Variants in RIF1 observed in about 807,000 individuals in gnomAD.
RIF1 encodes the protein replication timing regulatory factor 1.
Under a neutral mutation model 247.1 loss-of-function variants are expected in RIF1, and 45 were observed. That is an observed-to-expected ratio of 0.18 (90% CI 0.14 to 0.23). The LOEUF (loss-of-function observed/expected upper bound fraction) is 0.23. Among genes scored for constraint, RIF1 ranks in the 10% least tolerant of loss-of-function variants. The pLI, the probability that RIF1 is intolerant of heterozygous loss-of-function variation, is 1.00. For synonymous variants in RIF1, 1,087 were observed against 978.8 expected (o/e 1.11, Z -2.06); for missense variants, 2,967 against 2,862.5 (o/e 1.04, Z -0.83).
intron 16 of RIF1, among the ~76,000 whole-genome samples, 189 bp from the exon 17 acceptor site, chr2:151,443,070 C>G (rs996245367): frequency 6.6e-6 from 1 of 151,932 alleles, no homozygotes; most frequent in African/African-American, 2.4e-5. Flanking sequence ...GCCACTGCGC[C>G]CGGCCAAGAG....
chr2:151,501,277 A>G lies in RIF1; in HGVS notation c.*709+1737A>G, dbSNP rs2064286251. 7.3e-6 allele frequency: 5 copies of G among 689,634 alleles called. 1 individual carries two copies. In the South Asian group the frequency reaches 1.1e-4, roughly 15 times the overall value. 42.7% of individuals were successfully genotyped at this position (689,634 alleles called of 1,614,324 possible). On this transcript the variant is annotated intron_variant and NMD_transcript_variant, in intron 11 of 13. Coordinates refer to the RIF1 transcript ENST00000454583. ...AAAACAGAAGGATTCAGTTGATGTGATTAAAAAAAGATTTTGTTAAATTGA... is the reference window on the plus strand; with the variant it reads ...AAAACAGAAGGATTCAGTTGATGTGGTTAAAAAAAGATTTTGTTAAATTGA...
At chr2:151,458,318 T>C (rs1260126074) in intron 24 of RIF1, among the ~76,000 whole-genome samples, 2 of 148,408 alleles carry the variant, frequency 1.3e-5, no homozygotes, top group Admixed American at 1.4e-4. Flanking sequence ...CTGCAAGCTC[T>C]GCCTCCCGGG....
At chr2:151,526,771 C>T in the RIF1 span, 1 of 641,158 alleles carries the variant, frequency 1.6e-6, no homozygotes, top group South Asian at 2.0e-5. Flanking sequence ...GCTGGCGCCC[C>T]TCACAGGACA....
At chr2:151,530,916 T>C in the RIF1 span, 22 of 900,908 alleles carry the variant, frequency 2.4e-5, no homozygotes, top group East Asian at 5.6e-4. Flanking sequence ...CAGGAATAGA[T>C]AACTGGACCA....
intron 11 of RIF1, among the ~76,000 whole-genome samples, chr2:151,502,496 T>G (rs1240796287): frequency 2.0e-5 from 3 of 152,126 alleles, no homozygotes; most frequent in South Asian, 2.1e-4. Flanking sequence ...GTGTTAGATT[T>G]TACTTTTGAC....
At chr2:151,493,430 T>G (rs764813791) in intron 9 of RIF1, 1 of 1,604,686 alleles carries the variant, frequency 6.2e-7, no homozygotes, top group South Asian at 1.1e-5. Context: ...TTTCTCATGT[T>G]CTCTTTGTAC....
chr2:151,485,773 A>G (rs558019875), downstream of RIF1: 26 of 1,611,020 alleles, frequency 1.6e-5, 1 homozygote, highest in East Asian at 8.9e-5. Flanking sequence ...AATAGCTTCA[A>G]CGTAGTTGGC....
rs1016851476 is a variant in RIF1 at position 151,468,378 on chromosome 2, C to T, written c.6748-96C>T. The T allele has an allele frequency of 1.7e-5, 18 of 1,084,202 alleles. No individual in the cohort carries two copies. In the African/African-American group the frequency reaches 1.9e-4, roughly 11 times the overall value. 67.2% of individuals were successfully genotyped at this position (1,084,202 alleles called of 1,614,324 possible). A position where few individuals can be genotyped will look rare whatever the true frequency, so the allele number is the denominator to read the frequency against. On this transcript the variant is annotated intron_variant, in intron 31 of 35. Coordinates refer to ENST00000444746, the MANE Select transcript of RIF1 (RefSeq NM_018151.5). ...GATTACTCTTTTTATGTTTTTTGAA[C>T]TTTTAAAGAAATGATTGCAGTCTAA...
At chr2:151,443,508 T>A in intron 17 of RIF1, 21 bp from the exon 18 acceptor site, 9 of 1,538,014 alleles carry the variant, frequency 5.9e-6, no homozygotes, top group Non-Finnish European at 7.8e-6. Flanking sequence ...GTTGATGCAT[T>A]TTTTATAATT....
intron 6 of RIF1, 59 bp downstream of exon 6, chr2:151,416,960 G>C: frequency 7.4e-7 from 1 of 1,357,572 alleles, no homozygotes; most frequent in South Asian, 1.2e-5. Flanking sequence ...AGCTGAAGGA[G>C]AGGGTTTTTG....
At chr2:151,485,010 A>G (rs1005788554), downstream of RIF1, among the ~76,000 whole-genome samples, 3 of 152,200 alleles carry the variant, frequency 2.0e-5, no homozygotes, top group African/African-American at 7.2e-5. Context: ...ACCTTCTAGG[A>G]AGAACAGTCT....
chr2:151,469,220 C>T (rs1160199631), intron 33 of RIF1, among the ~76,000 whole-genome samples: 2 of 152,120 alleles, frequency 1.3e-5, no homozygotes, highest in Non-Finnish European at 2.9e-5. Context: ...TAAATGCGTG[C>T]ATGTAGATCG....
At chr2:151,435,404 CT>C in intron 10 of RIF1, 58 bp from the exon 11 acceptor site, 1 of 926,618 alleles carries the variant, frequency 1.1e-6, no homozygotes, top group Non-Finnish European at 1.7e-6. Context: ...TTATGTGAGG[CT>C]TTTAAAAACT....
At position 151,410,475 on chromosome 2, in the gene RIF1, G is replaced by C; in HGVS notation, c.52G>C (p.Asp18His). 1 of 1,614,138 alleles carries C rather than the reference G, an allele frequency of 6.2e-7. No homozygotes were observed. Among genetic ancestry groups the C allele is most frequent in the Non-Finnish European group, 8.5e-7 (1 of 1,180,040 alleles). ...PLAPLLETLEDPSASHGGQTD... is the reference protein window; with the variant it reads ...PLAPLLETLEHPSASHGGQTD... Reference sequence around the variant, plus strand: ...CGCGCCGCTGTTGGAGACTTTGGAAGACCCTTCTGCCTCCCATGGAGGGCA... The same window carrying C: ...CGCGCCGCTGTTGGAGACTTTGGAACACCCTTCTGCCTCCCATGGAGGGCA... The change falls in exon 2 of 36, where the codon GAC (aspartate) becomes CAC (histidine). Residue 18 changes from aspartate (D) to histidine (H), a missense_variant. This residue lies in a region of RIF1 where 269 missense variants were observed against 288.6 expected (regional missense o/e 0.93). Transcript: ENST00000444746.
chr2:151,477,529 C>G lies in RIF1; in HGVS notation c.*2458C>G, dbSNP rs968151114. On this transcript the variant is annotated 3_prime_UTR_variant, in exon 36 of 36. Coordinates refer to ENST00000444746, the MANE Select transcript of RIF1 (RefSeq NM_018151.5). ...TCCCAGGTTTACACCATTCTCCTGC[C>G]TCAGCCTCCCAAGTAGCTGGGACTA... 1 of 152,286 alleles carries G rather than the reference C, an allele frequency of 6.6e-6. No homozygotes were observed. Among genetic ancestry groups the G allele is most frequent in the Non-Finnish European group, 1.5e-5 (1 of 68,246 alleles). The allele number at this position is 152,286 out of a possible 1,614,324, so 9.4% of individuals were successfully genotyped here. A position where few individuals can be genotyped will look rare whatever the true frequency, so the allele number is the denominator to read the frequency against.
At chr2:151,462,156 A>T in intron 27 of RIF1, 86 bp from the exon 28 acceptor site, 1 of 888,198 alleles carries the variant, frequency 1.1e-6, no homozygotes, top group East Asian at 2.8e-5. Flanking sequence ...TACAGGCGTG[A>T]GCCACCGTAC....
intron 25 of RIF1, among the ~76,000 whole-genome samples, chr2:151,459,229 G>A (rs1695727763): frequency 6.6e-6 from 1 of 152,116 alleles, no homozygotes; most frequent in Admixed American, 6.5e-5. Context: ...CAGAGCTGCT[G>A]TTCATTTTCT....
intron 12 of RIF1, chr2:151,506,055 T>C: frequency 1.1e-6 from 1 of 927,404 alleles, no homozygotes; most frequent in Non-Finnish European, 1.8e-6. Flanking sequence ...GCACCTATTT[T>C]AGCAATATAA....
intron 25 of RIF1, 53 bp from the exon 26 acceptor site, chr2:151,459,947 A>C: frequency 7.1e-7 from 1 of 1,404,992 alleles, no homozygotes; most frequent in South Asian, 1.4e-5. Flanking sequence ...GAAAAGGAAA[A>C]GCAAAATATT....
Sources: gnomAD v4.1 joint callset for allele counts (sites outside exome capture counted in the v4.1 genomes callset) on GRCh38, gnomAD v4.1.1 for gene constraint, gnomAD v4.1.1 regional missense constraint, MANE v1.5 for transcripts, NCBI Gene and HGNC (gene_info 2026-07-23, HGNC 2026-07-21) for gene names.